The following PRPSAP1 variants were observed in gnomAD, a reference collection of about 807,000 sequenced individuals.
PRPSAP1 encodes phosphoribosyl pyrophosphate synthase-associated protein 1.
A neutral mutation model predicts 39.4 loss-of-function variants in PRPSAP1; 31 were observed. The observed-to-expected ratio is 0.79, with a 90% CI of 0.59 to 1.06. PRPSAP1 has a LOEUF of 1.06. Ranked by LOEUF, PRPSAP1 falls within the 50% of genes least tolerant of loss-of-function variation. The probability of loss-of-function intolerance (pLI) is 0.00; values close to 1 mark genes in which losing one functional copy is unlikely to be tolerated. For synonymous variants in PRPSAP1, 212 were observed against 192.6 expected (o/e 1.10, Z -0.83); for missense variants, 430 against 511.6 (o/e 0.84, Z 1.54).
At chr17:76,330,470 C>A in intron 5 of PRPSAP1, 81 bp downstream of exon 5, 1 of 1,065,220 alleles carries the variant, frequency 9.4e-7, no homozygotes. Context: ...ATGTGCCTTC[C>A]AGTAACGAAA....
chr17:76,334,508 T>C (rs2071358511), intron 3 of PRPSAP1, among the ~76,000 whole-genome samples: 5 of 152,208 alleles, frequency 3.3e-5, no homozygotes, highest in Admixed American at 3.3e-4. Context: ...AGTGAGCGAT[T>C]TCAAAGACAT....
chr17:76,332,113 T>C, intron 4 of PRPSAP1, 150 bp downstream of exon 4: 1 of 869,590 alleles, frequency 1.1e-6, no homozygotes, highest in Non-Finnish European at 1.7e-6. Flanking sequence ...AAAGAATTTC[T>C]AACCGAGCTC....
chr17:76,332,802 C>T (rs932060285), intron 3 of PRPSAP1, among the ~76,000 whole-genome samples: 5 of 152,108 alleles, frequency 3.3e-5, no homozygotes, highest in African/African-American at 1.2e-4. Flanking sequence ...GCTTGAATGC[C>T]AAGGGAAACC....
intron 9 of PRPSAP1, 40 bp downstream of exon 9, chr17:76,312,830 C>A (rs767000027): frequency 1.3e-6 from 2 of 1,579,324 alleles, no homozygotes; most frequent in South Asian, 1.2e-5. Flanking sequence ...CCAGAAAACA[C>A]AGCAGTAAAT....
At chr17:76,318,100 T>C (rs753707659) in intron 7 of PRPSAP1, among the ~76,000 whole-genome samples, 3 of 152,122 alleles carry the variant, frequency 2.0e-5, no homozygotes, top group Non-Finnish European at 4.4e-5. Context: ...TCTCCAGACA[T>C]TGCCAAATAT....
At position 76,344,014 on chromosome 17, in the gene PRPSAP1, G is replaced by A. The variant is rs1488724883; in HGVS notation, c.290+657C>T. Among the ~76,000 whole-genome samples the A allele has an allele frequency of 3.9e-5, 6 of 152,048 alleles. No homozygotes were observed. The South Asian group carries it at 8.3e-4, about 21-fold the overall frequency. ...CGCCCAGGCTAGAGTGCAGTGGCGCGATCTCAGCTCACCTCTGCCTCCTGG... is the reference window on the plus strand; with the variant it reads ...CGCCCAGGCTAGAGTGCAGTGGCGCAATCTCAGCTCACCTCTGCCTCCTGG... On this transcript the variant is annotated intron_variant, in intron 3 of 9. Transcript: ENST00000446526.
intron 4 of PRPSAP1, among the ~76,000 whole-genome samples, 167 bp downstream of exon 4, chr17:76,332,096 G>C (rs2071327574): frequency 6.6e-6 from 1 of 151,868 alleles, no homozygotes; most frequent in African/African-American, 2.4e-5. Flanking sequence ...AGCGAATAAG[G>C]GAAAAAAAAG....
At chr17:76,317,176 C>T (rs2071133245) in intron 7 of PRPSAP1, among the ~76,000 whole-genome samples, 1 of 152,132 alleles carries the variant, frequency 6.6e-6, no homozygotes, top group Admixed American at 6.6e-5. Flanking sequence ...ATGGCAAAAC[C>T]CCTTCTCTAC....
At chr17:76,332,227 T>C (rs780283147) in intron 4 of PRPSAP1, 36 bp downstream of exon 4, 2 of 1,605,742 alleles carry the variant, frequency 1.2e-6, no homozygotes, top group Non-Finnish European at 1.7e-6. Flanking sequence ...CCCTAAAGGA[T>C]CATGCTGGAA....
chr17:76,342,937 G>A (rs1428371477), intron 3 of PRPSAP1, among the ~76,000 whole-genome samples: 1 of 151,862 alleles, frequency 6.6e-6, no homozygotes, highest in Admixed American at 6.6e-5. Flanking sequence ...AAAATTACCC[G>A]GGCATGGTGG....
chr17:76,337,325 T>TCAG (rs2071389687), intron 3 of PRPSAP1: 4 of 152,480 alleles, frequency 2.6e-5, no homozygotes, highest in South Asian at 4.1e-4. Flanking sequence ...TGTGCTCTCT[T>TCAG]CAGCAGCACA....
chr17:76,338,290 G>A (rs1021093238), intron 3 of PRPSAP1, among the ~76,000 whole-genome samples: 6 of 152,178 alleles, frequency 3.9e-5, no homozygotes, highest in Non-Finnish European at 8.8e-5. Context: ...TTATTTTAAT[G>A]TCTAAGCTTT....
intron 3 of PRPSAP1, among the ~76,000 whole-genome samples, chr17:76,335,873 A>G (rs547307460): frequency 5.3e-5 from 8 of 152,294 alleles, no homozygotes; most frequent in Non-Finnish European, 1.0e-4. Context: ...GCTCACCTGT[A>G]GTCCTAGCTA....
intron 1 of PRPSAP1, 86 bp downstream of exon 1, chr17:76,353,448 G>A: frequency 7.7e-7 from 1 of 1,297,000 alleles, no homozygotes; most frequent in Non-Finnish European, 1.0e-6. Flanking sequence ...AGGAGGTGGG[G>A]CGGGTGGAGG....
At chr17:76,345,150 G>A (rs1234344410) in intron 2 of PRPSAP1, among the ~76,000 whole-genome samples, 1 of 146,046 alleles carries the variant, frequency 6.8e-6, no homozygotes, top group African/African-American at 2.5e-5. Flanking sequence ...CAGGAGAATG[G>A]CGTGAACCTG....
At position 76,319,085 on chromosome 17, in the gene PRPSAP1, G is replaced by A. The variant is rs914305525; in HGVS notation, c.782-5194C>T. Among the ~76,000 whole-genome samples, 4 of 152,118 alleles carry A rather than the reference G, an allele frequency of 2.6e-5. No individual in the cohort carries two copies. The East Asian group carries it at 5.8e-4, about 22-fold the overall frequency. On this transcript the variant is annotated intron_variant, in intron 7 of 9. Coordinates refer to ENST00000446526, the MANE Select transcript of PRPSAP1 (RefSeq NM_002766.3). ...CTCCCAAGTAGCTGGGATTACAGAT[G>A]TGTGCCACCAGGCCTGGCTAATTTT...
chr17:76,337,706 A>G (rs1222537695), intron 3 of PRPSAP1, among the ~76,000 whole-genome samples: 1 of 152,168 alleles, frequency 6.6e-6, no homozygotes, highest in Non-Finnish European at 1.5e-5. Flanking sequence ...TCCGGGTTCA[A>G]TCGATTCTCC....
intron 7 of PRPSAP1, among the ~76,000 whole-genome samples, chr17:76,315,993 C>A (rs1022117787): frequency 6.6e-6 from 1 of 151,146 alleles, no homozygotes; most frequent in South Asian, 2.1e-4. Flanking sequence ...GCCTGGCCAA[C>A]ATGGTGAAAC....
rs779431619 is a variant in PRPSAP1, at chr17:76,313,853, C to T, written c.820G>A (p.Gly274Arg). The T allele has an allele frequency of 1.9e-5, 31 of 1,614,080 alleles. No individual in the cohort carries two copies. The highest frequency in any genetic ancestry group is 2.5e-5 in the Non-Finnish European group (30 of 1,180,038). Residue 274 changes from glycine to arginine, a missense_variant, in exon 8 of 10, where the codon GGA becomes AGA. Physicochemically the swap from Gly to Arg is moderately radical, Grantham distance 125. This residue lies in a region of PRPSAP1 where 278 missense variants were observed against 376.3 expected (regional missense o/e 0.74). Transcript: ENST00000446526. Reference sequence around the variant, plus strand: ...ATTGCGATGCGGCCTCCAACATCTCCAACTACAGTTATCGGTGGCTTCTCT... The same window carrying T: ...ATTGCGATGCGGCCTCCAACATCTCTAACTACAGTTATCGGTGGCTTCTCT... The part of the protein sequence containing the change: ...AKEKPPITVV[G>R]DVGGRIAIIV...
Sources: gnomAD v4.1 joint callset for allele counts (sites outside exome capture counted in the v4.1 genomes callset) on GRCh38, gnomAD v4.1.1 for gene constraint, gnomAD v4.1.1 regional missense constraint, MANE v1.5 for transcripts, NCBI Gene and HGNC (gene_info 2026-07-23, HGNC 2026-07-21) for gene names.